RLIG1: variants seen among roughly 807,000 people sequenced by gnomAD.
RLIG1 encodes RNA ligase 1.
the RLIG1 span, chr12:88,040,218 C>T: frequency 3.1e-6 from 5 of 1,608,618 alleles, no homozygotes; most frequent in Non-Finnish European, 4.2e-6. Context: ...AGTGCAATTC[C>T]AACAGAAAAA....
At chr12:88,042,233 C>T in the RLIG1 span, 4 of 152,040 alleles carry the variant, frequency 2.6e-5, no homozygotes, top group South Asian at 2.1e-4. Context: ...TTGCTGGTCA[C>T]GTAGGTAGGC....
the RLIG1 span, chr12:88,048,388 T>G: frequency 6.5e-7 from 1 of 1,546,762 alleles, no homozygotes; most frequent in Non-Finnish European, 8.8e-7. Flanking sequence ...AATCAGAAAT[T>G]TGTTAGACTC....
the RLIG1 span, chr12:88,035,558 C>A: frequency 7.5e-7 from 1 of 1,341,594 alleles, no homozygotes; most frequent in Non-Finnish European, 1.0e-6. Context: ...TGGCCTGAGC[C>A]GTGCGGGTGA....
At chr12:88,047,005 T>C in the RLIG1 span, 1 of 1,560,734 alleles carries the variant, frequency 6.4e-7, no homozygotes. Context: ...CCGGTGGGGT[T>C]ATGTCATCTT....
chr12:88,043,906 C>T, the RLIG1 span: 1 of 579,084 alleles, frequency 1.7e-6, no homozygotes, highest in African/African-American at 1.9e-5. Flanking sequence ...AGAATGTCCT[C>T]TTAGGTTTAG....
the RLIG1 span, chr12:88,049,674 C>CTT: frequency 3.6e-6 from 1 of 278,478 alleles, no homozygotes; most frequent in South Asian, 6.7e-5. Context: ...TATAATGGGA[C>CTT]TTAATCTTTC....
the RLIG1 span, among the ~76,000 whole-genome samples, chr12:88,040,796 A>AT: frequency 3.3e-5 from 5 of 150,744 alleles, no homozygotes; most frequent in African/African-American, 1.2e-4. Context: ...CGGAAAAGAG[A>AT]TTTTTTTTTT....
chr12:88,049,241 A>C, the RLIG1 span: 5 of 1,609,004 alleles, frequency 3.1e-6, no homozygotes, highest in Non-Finnish European at 4.2e-6. Context: ...CTTCAGAAGC[A>C]GCAACAGGGC....
chr12:88,042,750 A>C, the RLIG1 span: 22 of 963,036 alleles, frequency 2.3e-5, no homozygotes, highest in Non-Finnish European at 3.2e-5. Flanking sequence ...GTTTGTTGAC[A>C]AACTGTATTC....
At chr12:88,046,959 G>A in the RLIG1 span, 392 of 1,608,340 alleles carry the variant, frequency 2.4e-4, no homozygotes, top group East Asian at 8.7e-3. Context: ...GCATTGCAGT[G>A]ATGGCTGTTT....
chr12:88,042,806 TTTG>T, the RLIG1 span: 4 of 1,458,558 alleles, frequency 2.7e-6, no homozygotes, highest in South Asian at 2.9e-5. Context: ...TACTTTTCCT[TTTG>T]TTATTACTTT....
the RLIG1 span, chr12:88,044,888 C>G: frequency 2.0e-5 from 3 of 152,314 alleles, no homozygotes; most frequent in Non-Finnish European, 4.4e-5. Flanking sequence ...AAAGTTGAGG[C>G]TAGAAGTGTG....
the RLIG1 span, chr12:88,045,897 T>TTA: frequency 1.4e-6 from 1 of 739,812 alleles, no homozygotes; most frequent in African/African-American, 1.8e-5. Context: ...TTGAGTTAGT[T>TTA]TCCTAGGATT....
chr12:88,049,287 T>C, the RLIG1 span: 2 of 1,608,220 alleles, frequency 1.2e-6, no homozygotes, highest in Non-Finnish European at 1.7e-6. Context: ...TGAAAGTTTT[T>C]TTACCTTCTC....
At chr12:88,048,927 A>T in the RLIG1 span, 53 of 276,168 alleles carry the variant, frequency 1.9e-4, 1 homozygote, top group African/African-American at 1.0e-3. Context: ...TCTTTAAAAA[A>T]CTTAAAGCAT....
At chr12:88,042,663 A>G in the RLIG1 span, 1 of 420,238 alleles carries the variant, frequency 2.4e-6, no homozygotes, top group African/African-American at 2.1e-5. Context: ...GTCTTCTCAT[A>G]GCATCAGGTA....
chr12:88,042,939 T>A, the RLIG1 span: 1 of 1,469,684 alleles, frequency 6.8e-7, no homozygotes, highest in South Asian at 1.3e-5. Flanking sequence ...TTTTTTAACT[T>A]TTCATGTTTA....
the RLIG1 span, chr12:88,044,060 C>T: frequency 4.0e-6 from 1 of 247,344 alleles, no homozygotes; most frequent in Non-Finnish European, 7.7e-6. Context: ...TTGCTTGAGC[C>T]TAGGAGTTTT....
At chr12:88,037,373 T>G in the RLIG1 span, among the ~76,000 whole-genome samples, 1 of 150,222 alleles carries the variant, frequency 6.7e-6, no homozygotes, top group Non-Finnish European at 1.5e-5. Context: ...TTATGACAGG[T>G]GGAGAAGGAG....
Sources: gnomAD v4.1 joint callset for allele counts (sites outside exome capture counted in the v4.1 genomes callset) on GRCh38, gnomAD v4.1.1 for gene constraint, MANE v1.5 for transcripts, NCBI Gene and HGNC (gene_info 2026-07-23, HGNC 2026-07-21) for gene names.